ARL5C: variants seen among roughly 807,000 people sequenced by gnomAD.
The protein encoded by ARL5C is putative ADP-ribosylation factor-like protein 5C.
A neutral mutation model predicts 20.8 loss-of-function variants in ARL5C; 21 were observed. That is an observed-to-expected ratio of 1.01 (90% CI 0.72 to 1.46). ARL5C has a LOEUF of 1.46. ARL5C is among the 40% of genes most tolerant of loss of function. ARL5C has a pLI of 0.00. For missense variants in ARL5C, 199 were observed against 225.1 expected (o/e 0.88, Z 0.74); for synonymous variants, 71 against 81.6 (o/e 0.87, Z 0.70).
At chr17:39,158,485 C>T (rs972291125) in intron 5 of ARL5C, among the ~76,000 whole-genome samples, 6 of 152,038 alleles carry the variant, frequency 3.9e-5, no homozygotes, top group Admixed American at 2.6e-4. Context: ...TGGTGGTGTG[C>T]GCCTGTAGTC....
At chr17:39,164,995 G>T (rs980335904) in intron 2 of ARL5C, 84 bp downstream of exon 2, 1 of 1,415,032 alleles carries the variant, frequency 7.1e-7, no homozygotes, top group Non-Finnish European at 9.8e-7. Context: ...GGAACCCAGG[G>T]AAGAGCTCCA....
rs544198 is a variant in ARL5C, at chr17:39,162,776, T to G, written c.190A>C (p.Met64Leu). Reference sequence around the variant, plus strand: ...GCCTCAGGTCTCACTATGTCCCACATGAAGAAGTGGGTCTTCGGCAGAATG... The same window carrying G: ...GCCTCAGGTCTCACTATGTCCCACAGGAAGAAGTGGGTCTTCGGCAGAATG... ...EIILPKTHFF[M>L]WDIVRPEALS... Residue 64 changes from methionine (M) to leucine (L), a missense_variant, in exon 3 of 6, where the codon ATG becomes CTG. Coordinates refer to ENST00000269586, the MANE Select transcript of ARL5C (RefSeq NM_001143968.1). 318,650 of 1,550,984 alleles carry G rather than the reference T, an allele frequency of 0.21. 33,896 individuals are homozygous for G. The highest frequency in any genetic ancestry group is 0.32 in the African/African-American group (23,250 of 73,032).
chr17:39,165,307 G>C (rs1023627471), intron 1 of ARL5C, 168 bp from the exon 2 acceptor site: 7 of 655,938 alleles, frequency 1.1e-5, no homozygotes, highest in South Asian at 1.8e-5. Flanking sequence ...GCCCCACTCC[G>C]GGACGGTGGA....
chr17:39,161,225 C>A, intron 4 of ARL5C, 43 bp downstream of exon 4: 1 of 1,514,946 alleles, frequency 6.6e-7, no homozygotes, highest in Non-Finnish European at 9.0e-7. Flanking sequence ...TGAGGGCACA[C>A]AGCTAGTACC....
chr17:39,163,463 G>A (rs2045447640), intron 2 of ARL5C, among the ~76,000 whole-genome samples: 1 of 150,504 alleles, frequency 6.6e-6, no homozygotes, highest in Non-Finnish European at 1.5e-5. Context: ...CCAGTCTGGA[G>A]TGTAGGTACG....
At chr17:39,157,410 C>A (rs932533144) in intron 5 of ARL5C, among the ~76,000 whole-genome samples, 2 of 152,132 alleles carry the variant, frequency 1.3e-5, no homozygotes, top group African/African-American at 4.8e-5. Flanking sequence ...GTAAGCAACT[C>A]CGGCGCATGG....
At chr17:39,165,591 C>T in intron 1 of ARL5C, 124 bp downstream of exon 1, 1 of 1,256,536 alleles carries the variant, frequency 8.0e-7, no homozygotes, top group South Asian at 1.4e-5. Flanking sequence ...GCGGGGCAGT[C>T]GAGGAGCGCC....
chr17:39,157,484 G>A (rs559474073), intron 5 of ARL5C, among the ~76,000 whole-genome samples: 5 of 152,276 alleles, frequency 3.3e-5, no homozygotes, highest in South Asian at 2.1e-4. Context: ...GGGAACATGG[G>A]GGGTACTTAG....
chr17:39,159,381 C>A (rs1363983328), intron 5 of ARL5C, among the ~76,000 whole-genome samples: 1 of 150,902 alleles, frequency 6.6e-6, no homozygotes, highest in Non-Finnish European at 1.5e-5. Context: ...ACCGCAACCT[C>A]CGCCTCCTGG....
Position 39,160,605 on chromosome 17 carries a change from G to A in ARL5C, c.477C>T (p.Ala159=). 5.2e-6 allele frequency: 8 copies of A among 1,551,836 alleles called. No homozygotes were observed. Among genetic ancestry groups the A allele is most frequent in the Middle Eastern group, 3.3e-4 (2 of 5,990 alleles). ...CAGCCACTAACCCTTCCCTGGTGAG[G>A]GCACAGCAGCCTTGTATATGCCACG... ...DHSWHIQGCC[A]LTREGLPARL... Residue 159 remains alanine (A), a synonymous_variant, in exon 5 of 6, where the codon GCC becomes GCT. Transcript: ENST00000269586.
chr17:39,159,203 T>G (rs1326809987), intron 5 of ARL5C, among the ~76,000 whole-genome samples: 4 of 147,816 alleles, frequency 2.7e-5, no homozygotes, highest in South Asian at 2.1e-4. Context: ...AGCGGTTTTT[T>G]TTTTTTTTTT....
chr17:39,160,324 C>CAAAA (rs35532222), intron 5 of ARL5C: 3,263 of 270,504 alleles, frequency 0.012, 95 homozygotes, highest in African/African-American at 0.074. Flanking sequence ...AACTCTGTCT[C>CAAAA]AAAAAAAAAA....
chr17:39,158,164 TGAGG>T (rs1159615000), intron 5 of ARL5C, among the ~76,000 whole-genome samples: 1 of 25,288 alleles, frequency 4.0e-5, no homozygotes, highest in African/African-American at 1.5e-4. Context: ...AGGGAGGAAG[TGAGG>T]GAGGGAGGGA....
At chr17:39,162,965 C>T in intron 2 of ARL5C, 107 bp from the exon 3 acceptor site, 1 of 1,327,620 alleles carries the variant, frequency 7.5e-7, no homozygotes. Context: ...AGAACAAGTC[C>T]ACCCAGGTTC....
chr17:39,161,305 G>T lies in ARL5C; in HGVS notation c.302C>A (p.Thr101Asn). 1 of 1,551,828 alleles carries T rather than the reference G, an allele frequency of 6.4e-7. No individual in the cohort carries two copies. The highest frequency in any genetic ancestry group is 8.7e-7 in the Non-Finnish European group (1 of 1,147,006). ...CATTTTATATAGCTCCTCCCGAGTG[G>T]TCAGCAGCCGATCCCGGTCCGTGCT... ...IDSTDRDRLL[T>N]TREELYKMLA... Residue 101 changes from threonine (T) to asparagine (N), a missense_variant, in exon 4 of 6, where the codon ACC (threonine) becomes AAC (asparagine). Coordinates refer to ENST00000269586, the MANE Select transcript of ARL5C (RefSeq NM_001143968.1).
At chr17:39,159,383 G>A (rs922395189) in intron 5 of ARL5C, among the ~76,000 whole-genome samples, 17 of 147,524 alleles carry the variant, frequency 1.2e-4, no homozygotes, top group Admixed American at 8.3e-4. Context: ...CGCAACCTCC[G>A]CCTCCTGGGT....
intron 5 of ARL5C, 156 bp downstream of exon 5, chr17:39,160,435 A>T: frequency 1.2e-6 from 1 of 805,076 alleles, no homozygotes; most frequent in Non-Finnish European, 1.9e-6. Context: ...TGGCTTACCC[A>T]CCACATCTCA....
intron 5 of ARL5C, among the ~76,000 whole-genome samples, 169 bp from the exon 6 acceptor site, chr17:39,157,111 G>A (rs2045409350): frequency 6.6e-6 from 1 of 152,248 alleles, no homozygotes; most frequent in Non-Finnish European, 1.5e-5. Context: ...CAGGTACTGT[G>A]CAAGGCTCTG....
rs2144046695 is a variant in ARL5C at position 39,162,726 on chromosome 17, G to C, written c.240C>G (p.Tyr80Ter). Residue 80 changes from tyrosine (Y) to a stop codon, truncating the protein, a stop_gained, in exon 3 of 6, where the codon TAC becomes TAG. Coordinates refer to ENST00000269586, the MANE Select transcript of ARL5C (RefSeq NM_001143968.1). LOFTEE classifies it high-confidence loss of function. ...CCCTCCTCACCTCAGTGTTGGAGTA[G>C]TATGTGTTCCAGATAAAGCTCAGAG... ...PEALSFIWNT[Y>*]YSNTEFIILV... The C allele has an allele frequency of 6.4e-7, 1 of 1,551,706 alleles. No homozygotes were observed. The highest frequency in any genetic ancestry group is 8.7e-7 in the Non-Finnish European group (1 of 1,146,974).
Sources: gnomAD v4.1 joint callset for allele counts (sites outside exome capture counted in the v4.1 genomes callset) on GRCh38, gnomAD v4.1.1 for gene constraint, MANE v1.5 for transcripts, NCBI Gene and HGNC (gene_info 2026-07-23, HGNC 2026-07-21) for gene names.